The following GABRB3 variants were observed in gnomAD, a reference collection of about 807,000 sequenced individuals.
GABRB3 encodes gamma-aminobutyric acid type A receptor subunit beta3, also known as gamma-aminobutyric acid receptor subunit beta-3.
Under a neutral mutation model 52.1 loss-of-function variants are expected in GABRB3, and 14 were observed. The observed-to-expected ratio is 0.27, with a 90% CI of 0.18 to 0.42. The LOEUF (loss-of-function observed/expected upper bound fraction) is 0.42, where lower values mean the gene tolerates loss of function less well. Among genes scored for constraint, GABRB3 ranks in the 10% least tolerant of loss-of-function variants. GABRB3 has a pLI of 1.00. For synonymous variants in GABRB3, 260 were observed against 232.3 expected, an observed-to-expected ratio of 1.12 and a Z score of -1.08; for missense variants, 307 against 609.1, an observed-to-expected ratio of 0.50 and a Z score of 5.22.
At chr15:26,688,515 A>C (rs1423271505) in intron 3 of GABRB3, among the ~76,000 whole-genome samples, 2 of 152,374 alleles carry the variant, frequency 1.3e-5, no homozygotes, top group African/African-American at 4.8e-5. Context: ...AAGAATTCAG[A>C]GAAGCAGAGG....
At chr15:26,672,593 C>T (rs66728953) in intron 3 of GABRB3, among the ~76,000 whole-genome samples, 39,766 of 151,972 alleles carry the variant, frequency 0.26, 5,798 homozygotes, top group Middle Eastern at 0.45. Context: ...TTCACCTGTC[C>T]GATGTTGCTT....
chr15:26,746,695 A>G (rs1890351661), intron 3 of GABRB3, among the ~76,000 whole-genome samples: 1 of 151,964 alleles, frequency 6.6e-6, no homozygotes, highest in Non-Finnish European at 1.5e-5. Flanking sequence ...TTTGTTAAAA[A>G]TCAGCTGGGT....
intron 4 of GABRB3, among the ~76,000 whole-genome samples, chr15:26,619,776 G>C (rs1044451993): frequency 1.4e-5 from 2 of 146,176 alleles, no homozygotes; most frequent in Admixed American, 1.4e-4. Context: ...ATTAATTTTT[G>C]TTGATATTTG....
intron 8 of GABRB3, among the ~76,000 whole-genome samples, chr15:26,556,272 T>C (rs966212415): frequency 1.4e-4 from 21 of 152,226 alleles, no homozygotes; most frequent in African/African-American, 5.1e-4. Context: ...AGAGATTTTT[T>C]GTTTTTTCCT....
chr15:26,672,820 A>G (rs1887940737), intron 3 of GABRB3, among the ~76,000 whole-genome samples: 1 of 152,222 alleles, frequency 6.6e-6, no homozygotes, highest in South Asian at 2.1e-4. Flanking sequence ...AAAATATGTG[A>G]TGGAGGAAGA....
intron 3 of GABRB3, among the ~76,000 whole-genome samples, chr15:26,713,023 G>A (rs1424025055): frequency 6.6e-6 from 1 of 152,256 alleles, no homozygotes; most frequent in Non-Finnish European, 1.5e-5. Flanking sequence ...GCCACCATGG[G>A]GGAGTTCCAG....
In GABRB3 at chr15:26,683,646, G is replaced by A. The variant is rs1595528538; in HGVS notation, c.241-62112C>T. On this transcript the variant is annotated intron_variant, in intron 3 of 8. Transcript: ENST00000311550. ...GTCTCCTGGAACTGGAAGACAGGAG[G>A]AATCTCAATACAGATCATGAGTTTA... 2.6e-5 allele frequency among the ~76,000 whole-genome samples: 4 copies of A among 152,230 alleles called. No homozygotes were observed. The South Asian group carries it at 8.3e-4, about 32-fold the overall frequency.
intron 3 of GABRB3, among the ~76,000 whole-genome samples, chr15:26,726,178 G>A (rs943175075): frequency 2.0e-5 from 3 of 151,646 alleles, no homozygotes; most frequent in Admixed American, 6.6e-5. Context: ...CCCATCACAT[G>A]AGGTCAGATG....
chr15:26,737,917 G>C (rs1259351804), intron 3 of GABRB3, among the ~76,000 whole-genome samples: 1 of 152,220 alleles, frequency 6.6e-6, no homozygotes, highest in African/African-American at 2.4e-5. Flanking sequence ...CACTGAGTTT[G>C]TTTCTCCTTT....
At chr15:26,751,514 T>C (rs886279348) in intron 3 of GABRB3, among the ~76,000 whole-genome samples, 1 of 152,138 alleles carries the variant, frequency 6.6e-6, no homozygotes, top group East Asian at 1.9e-4. Context: ...AATCTGAAAG[T>C]AACCACCTCC....
Position 26,702,496 on chromosome 15 carries a change from A to G in GABRB3, c.240+69906T>C, listed in dbSNP as rs1210034968. 2.0e-5 allele frequency among the ~76,000 whole-genome samples: 3 copies of G among 152,256 alleles called. No homozygotes were observed. In the East Asian group the frequency reaches 5.8e-4, roughly 29 times the overall value. On this transcript the variant is annotated intron_variant, in intron 3 of 8. Transcript: ENST00000311550. ...TTCAACATCACTTGTCCTTAGGGAC[A>G]TACAAATCAGGAGCACTGCAAATCT...
intron 3 of GABRB3, among the ~76,000 whole-genome samples, chr15:26,639,694 T>G (rs1253872784): frequency 6.6e-6 from 1 of 152,252 alleles, no homozygotes; most frequent in African/African-American, 2.4e-5. Context: ...CTACAGTGTA[T>G]TCACATAGTG....
chr15:26,752,564 C>T (rs1172928719), intron 3 of GABRB3, among the ~76,000 whole-genome samples: 1 of 151,984 alleles, frequency 6.6e-6, no homozygotes, highest in Non-Finnish European at 1.5e-5. Flanking sequence ...CGCCCGGCCC[C>T]TCTCCTTTAA....
intron 4 of GABRB3, among the ~76,000 whole-genome samples, chr15:26,609,103 TACACACACACACACACAC>T (rs79471574): frequency 0.32 from 45,986 of 143,170 alleles, 8,571 homozygotes; most frequent in Middle Eastern, 0.42. Context: ...CACACACACA[TACACACACACACACACAC>T]ACACACACAC....
chr15:26,644,949 G>A (rs1302930474), intron 3 of GABRB3, among the ~76,000 whole-genome samples: 1 of 152,220 alleles, frequency 6.6e-6, no homozygotes, highest in Non-Finnish European at 1.5e-5. Context: ...CACTTGCAAT[G>A]TCTCCAACAC....
At chr15:26,726,632 AC>A (rs1329772611) in intron 3 of GABRB3, among the ~76,000 whole-genome samples, 1 of 152,148 alleles carries the variant, frequency 6.6e-6, no homozygotes, top group African/African-American at 2.4e-5. Context: ...AATTCAAGTT[AC>A]ATATTTTTGG....
intron 6 of GABRB3, among the ~76,000 whole-genome samples, chr15:26,576,442 A>C (rs1004658514): frequency 3.3e-5 from 5 of 152,194 alleles, no homozygotes; most frequent in African/African-American, 1.2e-4. Context: ...ATTACATATC[A>C]AAACAACTGG....
At position 26,676,274 on chromosome 15, in the gene GABRB3, C is replaced by G. The variant is rs577798514; in HGVS notation, c.241-54740G>C. Among the ~76,000 whole-genome samples, 11 of 152,338 alleles carry G rather than the reference C, an allele frequency of 7.2e-5. No homozygotes were observed. The South Asian group carries it at 2.3e-3, about 32-fold the overall frequency. On this transcript the variant is annotated intron_variant, in intron 3 of 8. Transcript: ENST00000311550. The stretch of plus-strand genomic sequence containing the variant: ...GTTACACAAAATCAAATATCTGCGG[C>G]TCCCCCCAGGGTTTTTCCTCTTCTC...
intron 3 of GABRB3, among the ~76,000 whole-genome samples, chr15:26,699,544 T>A (rs1461845487): frequency 6.6e-6 from 1 of 151,200 alleles, no homozygotes; most frequent in Non-Finnish European, 1.5e-5. Context: ...AAAGACATTT[T>A]AAAAGTTATT....
Sources: gnomAD v4.1 joint callset for allele counts (sites outside exome capture counted in the v4.1 genomes callset) on GRCh38, gnomAD v4.1.1 for gene constraint, MANE v1.5 for transcripts, NCBI Gene and HGNC (gene_info 2026-07-23, HGNC 2026-07-21) for gene names.